Variants in MRTFA observed in about 807,000 individuals in gnomAD.
MRTFA encodes the protein myocardin related transcription factor A.
Under a neutral mutation model 83.5 loss-of-function variants are expected in MRTFA, and 20 were observed. That is an observed-to-expected ratio of 0.24 (90% confidence interval 0.17 to 0.35). The LOEUF (loss-of-function observed/expected upper bound fraction) is 0.35, where lower values mean the gene tolerates loss of function less well. Among genes scored for constraint, MRTFA ranks in the 10% least tolerant of loss-of-function variants. The pLI is 1.00. For missense variants in MRTFA, 1,200 were observed against 1,224.7 expected (o/e 0.98, Z 0.30); for synonymous variants, 659 against 541.2 (o/e 1.22, Z -3.02).
rs1295279056 is a variant in MRTFA at position 40,419,312 on chromosome 22, G to A, written c.1426C>T (p.Arg476Cys). The A allele has an allele frequency of 1.6e-5, 26 of 1,613,938 alleles. No homozygotes were observed. Among genetic ancestry groups the A allele is most frequent in the East Asian group, 4.5e-5 (2 of 44,872 alleles). The change falls in exon 12 of 15, where the codon CGC becomes TGC. Residue 476 changes from arginine to cysteine, a missense_variant. Physicochemically the swap from Arg to Cys is radical, Grantham distance 180. Around this residue, in one of 2 missense-constraint regions of MRTFA, gnomAD observed 1,107 missense variants for 1,041.8 expected, o/e 1.06. Coordinates refer to ENST00000355630, the MANE Select transcript of MRTFA (RefSeq NM_020831.6). ...ATTTGGTCTTGATAGGCTCGAAGGC[G>A]CTCAATCAGCTCAGTTTTGGTGCCC...
intron 3 of MRTFA, among the ~76,000 whole-genome samples, chr22:40,513,428 C>G (rs2147245239): frequency 6.6e-6 from 1 of 151,892 alleles, no homozygotes; most frequent in Middle Eastern, 3.4e-3. Context: ...TGGTGAAACC[C>G]CATCTCTACT....
intron 3 of MRTFA, among the ~76,000 whole-genome samples, chr22:40,463,956 G>A (rs2053764767): frequency 6.6e-6 from 1 of 151,946 alleles, no homozygotes; most frequent in Non-Finnish European, 1.5e-5. Flanking sequence ...TTTTCACTCT[G>A]GCAATACTGC....
chr22:40,454,875 C>A lies in MRTFA; in HGVS notation c.307+8346G>T, dbSNP rs964910049. 4.6e-5 allele frequency among the ~76,000 whole-genome samples: 7 copies of A among 152,298 alleles called. No individual in the cohort carries two copies. The South Asian group carries it at 1.4e-3, about 32-fold the overall frequency. On this transcript the variant is annotated intron_variant, in intron 4 of 14. Transcript: ENST00000355630. ...GTGGCATGAACACAGCTCACTGCAACCTTGACCTTCTGGGTTTAAGGCTCA... is the reference window on the plus strand; with the variant it reads ...GTGGCATGAACACAGCTCACTGCAAACTTGACCTTCTGGGTTTAAGGCTCA...
chr22:40,491,266 C>A (rs1297997837), intron 3 of MRTFA, among the ~76,000 whole-genome samples: 1 of 152,012 alleles, frequency 6.6e-6, no homozygotes, highest in African/African-American at 2.4e-5. Flanking sequence ...CACTTGGGCC[C>A]AGGAGGTGGA....
At chr22:40,498,072 G>A (rs1240290857) in intron 3 of MRTFA, among the ~76,000 whole-genome samples, 1 of 151,734 alleles carries the variant, frequency 6.6e-6, no homozygotes, top group African/African-American at 2.4e-5. Context: ...CCTGAGAGGT[G>A]GAGGGTGCAG....
intron 2 of MRTFA, chr22:40,587,859 T>C (rs2056055274): frequency 5.0e-6 from 2 of 400,228 alleles, no homozygotes; most frequent in Admixed American, 3.3e-5. Flanking sequence ...GGCTGTCTGT[T>C]GTTTTTGTGC....
intron 6 of MRTFA, among the ~76,000 whole-genome samples, chr22:40,430,035 A>G (rs2147091704): frequency 6.6e-6 from 1 of 152,266 alleles, no homozygotes; most frequent in East Asian, 1.9e-4. Flanking sequence ...GAGCTACAGA[A>G]TGGAAGCAGC....
intron 14 of MRTFA, chr22:40,412,596 G>A (rs983057509): frequency 3.3e-5 from 5 of 152,258 alleles, no homozygotes; most frequent in Non-Finnish European, 5.9e-5. Context: ...GATGAAGGAA[G>A]TGATACTATG....
chr22:40,624,496 A>C (rs2056559162), intron 1 of MRTFA, among the ~76,000 whole-genome samples: 1 of 152,174 alleles, frequency 6.6e-6, no homozygotes, highest in Non-Finnish European at 1.5e-5. Context: ...GCTAGTGAGC[A>C]ATAGAGCCAG....
At chr22:40,530,921 T>A (rs2055068712) in intron 3 of MRTFA, among the ~76,000 whole-genome samples, 1 of 152,222 alleles carries the variant, frequency 6.6e-6, no homozygotes. Context: ...AGGGAAAGTA[T>A]GACAATCCAA....
intron 7 of MRTFA, 43 bp from the exon 8 acceptor site, chr22:40,424,424 G>A (rs1335149633): frequency 4.4e-6 from 7 of 1,598,318 alleles, no homozygotes; most frequent in South Asian, 1.1e-5. Context: ...CCAGCCCAGG[G>A]AACAGATGAG....
At chr22:40,528,608 A>G (rs2055019987) in intron 3 of MRTFA, among the ~76,000 whole-genome samples, 2 of 151,974 alleles carry the variant, frequency 1.3e-5, no homozygotes, top group South Asian at 2.1e-4. Flanking sequence ...ATGGTGGTAC[A>G]TGCCTGTAAT....
chr22:40,477,322 C>G (rs2054015115), intron 3 of MRTFA, among the ~76,000 whole-genome samples: 1 of 151,668 alleles, frequency 6.6e-6, no homozygotes, highest in East Asian at 1.9e-4. Flanking sequence ...TGCCCTCCAG[C>G]CTGGGTGACA....
chr22:40,624,979 C>T (rs2056564865), intron 1 of MRTFA, among the ~76,000 whole-genome samples: 1 of 152,126 alleles, frequency 6.6e-6, no homozygotes, highest in African/African-American at 2.4e-5. Flanking sequence ...TATATAAAGA[C>T]TCATGACAGA....
intron 3 of MRTFA, among the ~76,000 whole-genome samples, chr22:40,488,178 A>G (rs1229321493): frequency 1.3e-5 from 2 of 152,232 alleles, no homozygotes; most frequent in African/African-American, 4.8e-5. Context: ...GCAACAGCAT[A>G]TAAGCTATCT....
chr22:40,579,045 C>T (rs548533142), intron 2 of MRTFA, among the ~76,000 whole-genome samples: 24 of 152,166 alleles, frequency 1.6e-4, no homozygotes, highest in Non-Finnish European at 2.9e-4. Context: ...GAGCTCAAGA[C>T]TGTGGTGAGC....
intron 2 of MRTFA, among the ~76,000 whole-genome samples, chr22:40,560,338 T>G (rs2055594944): frequency 6.6e-6 from 1 of 152,218 alleles, no homozygotes; most frequent in Non-Finnish European, 1.5e-5. Context: ...TTCCTTAACC[T>G]TGAGATTAGA....
At chr22:40,603,792 T>G (rs1330507371) in intron 1 of MRTFA, among the ~76,000 whole-genome samples, 1 of 151,322 alleles carries the variant, frequency 6.6e-6, no homozygotes, top group Non-Finnish European at 1.5e-5. Flanking sequence ...TTTTTTAATT[T>G]ATAGAGATGA....
intron 3 of MRTFA, among the ~76,000 whole-genome samples, chr22:40,530,102 TG>T (rs1347120524): frequency 3.3e-5 from 5 of 152,210 alleles, no homozygotes; most frequent in Non-Finnish European, 5.9e-5. Context: ...TCTGTCCTGC[TG>T]TTGTTATAAC....
Sources: allele counts gnomAD v4.1 joint callset (sites outside exome capture counted in the v4.1 genomes callset), GRCh38; gene constraint gnomAD v4.1.1; regional missense constraint gnomAD v4.1.1; transcripts MANE v1.5; gene names NCBI Gene and HGNC (gene_info 2026-07-23, HGNC 2026-07-21).